RMP24: variants seen among roughly 807,000 people sequenced by gnomAD.
RMP24 encodes the protein ribonuclease MRP protein subunit p24.
At chr18:35,974,443 G>A in the RMP24 span, among the ~76,000 whole-genome samples, 1 of 152,188 alleles carries the variant, frequency 6.6e-6, no homozygotes, top group Admixed American at 6.5e-5. Context: ...AGCTTTATAA[G>A]TGCTGTTGCA....
the RMP24 span, chr18:35,977,364 A>T: frequency 6.5e-7 from 1 of 1,548,422 alleles, no homozygotes; most frequent in Non-Finnish European, 8.8e-7. Flanking sequence ...ATGGGGTTAA[A>T]TTATAAGATA....
chr18:35,976,644 A>G, the RMP24 span, among the ~76,000 whole-genome samples: 1 of 152,326 alleles, frequency 6.6e-6, no homozygotes, highest in East Asian at 1.9e-4. Context: ...CTTTAGACCT[A>G]TGTTTACAAA....
At chr18:35,974,810 CA>C in the RMP24 span, 6 of 1,224,662 alleles carry the variant, frequency 4.9e-6, no homozygotes, top group East Asian at 1.4e-4. Context: ...TATTAAATTT[CA>C]ATATACTTTT....
chr18:35,973,304 A>G, the RMP24 span: 15 of 324,736 alleles, frequency 4.6e-5, no homozygotes, highest in Middle Eastern at 1.0e-3. Flanking sequence ...TTTTCATCCA[A>G]TCTCATGGCT....
chr18:35,977,612 C>G, the RMP24 span: 2 of 1,601,790 alleles, frequency 1.2e-6, no homozygotes, highest in Admixed American at 3.5e-5. Flanking sequence ...TATCTTAATC[C>G]ATGAAGTTTT....
At chr18:35,974,957 C>T in the RMP24 span, 102 of 1,614,004 alleles carry the variant, frequency 6.3e-5, no homozygotes, top group Non-Finnish European at 8.0e-5. Flanking sequence ...TTCTGGATAA[C>T]TCTCGAGTGC....
At chr18:35,978,707 C>T in the RMP24 span, 7 of 791,008 alleles carry the variant, frequency 8.8e-6, 1 homozygote, top group East Asian at 1.2e-4. Flanking sequence ...GGAAATCTAA[C>T]TGAACAGGGA....
chr18:35,976,254 A>G, the RMP24 span, among the ~76,000 whole-genome samples: 1 of 139,628 alleles, frequency 7.2e-6, no homozygotes, highest in Non-Finnish European at 1.5e-5. Flanking sequence ...GGTTCACGCC[A>G]TTCTCCTGCC....
the RMP24 span, among the ~76,000 whole-genome samples, chr18:35,976,417 C>T: frequency 1.4e-4 from 22 of 152,280 alleles, no homozygotes; most frequent in African/African-American, 4.6e-4. Flanking sequence ...TGCTCATGAA[C>T]ATCAAACTAC....
chr18:35,978,858 T>C, the RMP24 span: 1 of 1,608,376 alleles, frequency 6.2e-7, no homozygotes, highest in Non-Finnish European at 8.5e-7. Context: ...GGACAGTCAG[T>C]ATCTACTTGC....
At chr18:35,977,380 C>T in the RMP24 span, 646 of 1,574,848 alleles carry the variant, frequency 4.1e-4, 1 homozygote, top group Admixed American at 5.4e-4. Flanking sequence ...AGATAAATGA[C>T]GGGACTGATA....
chr18:35,973,135 C>T, the RMP24 span: 39 of 618,566 alleles, frequency 6.3e-5, no homozygotes, highest in East Asian at 9.9e-4. Flanking sequence ...AGTTTCCTCC[C>T]TTGGCTTCTA....
chr18:35,972,795 C>T, the RMP24 span: 3 of 1,614,138 alleles, frequency 1.9e-6, no homozygotes, highest in Admixed American at 1.7e-5. Context: ...GGGCCAAGCC[C>T]GCTACCTCCT....
At chr18:35,973,123 A>G in the RMP24 span, 6 of 635,962 alleles carry the variant, frequency 9.4e-6, no homozygotes, top group Non-Finnish European at 1.6e-5. Context: ...CAGTCTTGAA[A>G]TAGTTTCCTC....
chr18:35,975,364 G>A, the RMP24 span, among the ~76,000 whole-genome samples: 16 of 152,160 alleles, frequency 1.1e-4, no homozygotes, highest in South Asian at 2.1e-4. Flanking sequence ...ACAAATGTGC[G>A]GATTTCTTGA....
At chr18:35,973,206 T>G in the RMP24 span, 2 of 535,296 alleles carry the variant, frequency 3.7e-6, no homozygotes, top group Non-Finnish European at 6.7e-6. Flanking sequence ...TGGTTCCTCC[T>G]AATCTCCCCA....
the RMP24 span, chr18:35,974,800 TATTAA>T: frequency 3.5e-6 from 4 of 1,134,318 alleles, no homozygotes; most frequent in African/African-American, 1.6e-5. Flanking sequence ...TATCTGCTTA[TATTAA>T]ATTTCAATAT....
At chr18:35,978,206 A>T in the RMP24 span, among the ~76,000 whole-genome samples, 1 of 152,248 alleles carries the variant, frequency 6.6e-6, no homozygotes, top group Non-Finnish European at 1.5e-5. Context: ...CATAGCTCTG[A>T]TTAGAAGCAT....
chr18:35,976,918 T>A, the RMP24 span, among the ~76,000 whole-genome samples: 1 of 152,240 alleles, frequency 6.6e-6, no homozygotes, highest in Non-Finnish European at 1.5e-5. Context: ...TTCATTTTTA[T>A]TGAACATTTT....
Sources: gnomAD v4.1 joint callset for allele counts (sites outside exome capture counted in the v4.1 genomes callset) on GRCh38, gnomAD v4.1.1 for gene constraint, MANE v1.5 for transcripts, NCBI Gene and HGNC (gene_info 2026-07-23, HGNC 2026-07-21) for gene names.